MBD5: variants seen among roughly 807,000 people sequenced by gnomAD.
MBD5 encodes the protein methyl-CpG binding domain protein 5, also known as methyl-CpG-binding domain protein 5.
A neutral mutation model predicts 117.3 loss-of-function variants in MBD5; 13 were observed. That is an observed-to-expected ratio of 0.11 (90% CI 0.07 to 0.18). The LOEUF (loss-of-function observed/expected upper bound fraction) is 0.18. Among genes scored for constraint, MBD5 ranks in the 10% least tolerant of loss-of-function variants. The pLI is 1.00. For missense variants in MBD5, 1,879 were observed against 2,093.8 expected, an observed-to-expected ratio of 0.90 and a Z score of 2.00; for synonymous variants, 727 against 766.4, an observed-to-expected ratio of 0.95 and a Z score of 0.85.
At chr2:148,308,998 G>A (rs538229898) in intron 3 of MBD5, among the ~76,000 whole-genome samples, 55 of 152,178 alleles carry the variant, frequency 3.6e-4, no homozygotes, top group Non-Finnish European at 6.0e-4. Flanking sequence ...CCTCTGTTCC[G>A]TTTCATTGGT....
At position 148,513,516 on chromosome 2, in the gene MBD5, A is replaced by G. The variant is rs1574510121; in HGVS notation, c.*575A>G. 2 of 157,740 alleles carry G rather than the reference A, an allele frequency of 1.3e-5. No homozygotes were observed. The highest frequency in any genetic ancestry group is 4.8e-5 in the African/African-American group (2 of 41,474). 9.8% of individuals were successfully genotyped at this position (157,740 alleles called of 1,614,324 possible). A position where few individuals can be genotyped will look rare whatever the true frequency, so the allele number is the denominator to read the frequency against. The stretch of plus-strand genomic sequence containing the variant: ...TATTTAACAGCAGAGAAAAGGCATG[A>G]TGATGTAATATCTGAATTATGACAT... On this transcript the variant is annotated 3_prime_UTR_variant, in exon 14 of 14. Transcript: ENST00000642680.
intron 1 of MBD5, among the ~76,000 whole-genome samples, chr2:148,050,931 C>G (rs1327088618): frequency 6.6e-6 from 1 of 152,066 alleles, no homozygotes; most frequent in Non-Finnish European, 1.5e-5. Flanking sequence ...ATTTTAAAAT[C>G]AGCTTGTCCC....
chr2:148,203,907 T>A (rs1699208741), intron 2 of MBD5, among the ~76,000 whole-genome samples: 1 of 152,204 alleles, frequency 6.6e-6, no homozygotes, highest in African/African-American at 2.4e-5. Flanking sequence ...ATGGATAAAT[T>A]TCTCCAAGAC....
In MBD5 at chr2:148,446,602, C is replaced by G. The variant is rs540504270; in HGVS notation, c.-556-11601C>G. Among the ~76,000 whole-genome samples, 1,185 of 148,892 alleles carry G rather than the reference C, an allele frequency of 8.0e-3. 6 individuals carry two copies. Among genetic ancestry groups the G allele is most frequent in the Non-Finnish European group, 0.014 (911 of 67,342 alleles). ...TTAATTTACATACCAGATTATTTAT[C>G]TGTGTGTGTGTGTGTGTGTGTGTGT... On this transcript the variant is annotated intron_variant, in intron 4 of 13. Transcript: ENST00000642680.
rs372520820 is a variant in MBD5 at position 148,111,369 on chromosome 2, T to C, written c.-924-67331T>C. ...GGGAATTTACCAGACACATTCAAAC[T>C]GAGGAACAGTCTGCAAAACTACTGA... On this transcript the variant is annotated intron_variant, in intron 1 of 13. Transcript: ENST00000642680. 7.2e-5 allele frequency among the ~76,000 whole-genome samples: 11 copies of C among 152,194 alleles called. No individual in the cohort carries two copies. The East Asian group carries it at 1.4e-3, about 19-fold the overall frequency.
chr2:148,298,923 G>A (rs528930824), intron 3 of MBD5, among the ~76,000 whole-genome samples: 2 of 152,222 alleles, frequency 1.3e-5, no homozygotes, highest in South Asian at 4.2e-4. Context: ...CTGGGTTACA[G>A]CCAATCTCAG....
intron 3 of MBD5, among the ~76,000 whole-genome samples, chr2:148,257,108 C>G (rs1700609782): frequency 6.6e-6 from 1 of 152,194 alleles, no homozygotes; most frequent in Non-Finnish European, 1.5e-5. Context: ...ACTCAGCTCC[C>G]TTCCATAGTT....
chr2:148,232,307 T>C (rs1700007295), intron 2 of MBD5, among the ~76,000 whole-genome samples: 1 of 152,214 alleles, frequency 6.6e-6, no homozygotes, highest in African/African-American at 2.4e-5. Flanking sequence ...TAAATTCAGT[T>C]TTCTTTTTAA....
Position 148,240,256 on chromosome 2 carries a change from G to A in MBD5, c.-680+6861G>A, listed in dbSNP as rs946425465. On this transcript the variant is annotated intron_variant, in intron 3 of 13. Coordinates refer to ENST00000642680, the MANE Select transcript of MBD5 (RefSeq NM_001378120.1). The stretch of plus-strand genomic sequence containing the variant: ...CACAGGGTGGGGAACACCACACACT[G>A]GGGCCTGTCGTGAGGCAGGGGGAGG... Among the ~76,000 whole-genome samples, 10 of 152,094 alleles carry A rather than the reference G, an allele frequency of 6.6e-5. 1 individual carries two copies. Among genetic ancestry groups the A allele is most frequent in the Non-Finnish European group, 1.5e-5 (1 of 68,010 alleles).
intron 3 of MBD5, among the ~76,000 whole-genome samples, chr2:148,336,712 A>G (rs1419400186): frequency 6.6e-6 from 1 of 152,056 alleles, no homozygotes; most frequent in Admixed American, 6.6e-5. Flanking sequence ...CTCTTCCTCA[A>G]GTTCCTGAGG....
chr2:148,239,421 A>AAAT (rs1264321415), intron 3 of MBD5, among the ~76,000 whole-genome samples: 2 of 152,194 alleles, frequency 1.3e-5, no homozygotes, highest in African/African-American at 2.4e-5. Flanking sequence ...TCAACAAATG[A>AAAT]AATGCCCTAC....
At chr2:148,438,404 C>T (rs563029021) in intron 4 of MBD5, among the ~76,000 whole-genome samples, 1 of 152,296 alleles carries the variant, frequency 6.6e-6, no homozygotes, top group African/African-American at 2.4e-5. Flanking sequence ...CTTTCACACA[C>T]CAATAATAAT....
chr2:148,113,077 C>T (rs370777262), intron 1 of MBD5, among the ~76,000 whole-genome samples: 130 of 152,286 alleles, frequency 8.5e-4, no homozygotes, highest in African/African-American at 3.0e-3. Context: ...TCTACTTTAG[C>T]GTACAGTGAG....
intron 1 of MBD5, among the ~76,000 whole-genome samples, chr2:148,143,320 C>T (rs1158091523): frequency 6.6e-6 from 1 of 152,004 alleles, no homozygotes; most frequent in African/African-American, 2.4e-5. Flanking sequence ...AGGCTAGTCC[C>T]AGAGAAAAAA....
At chr2:148,179,417 G>T (rs926625101) in intron 2 of MBD5, among the ~76,000 whole-genome samples, 1 of 150,514 alleles carries the variant, frequency 6.6e-6, no homozygotes, top group South Asian at 2.1e-4. Flanking sequence ...AATTTAATTT[G>T]AAAAAATAAT....
chr2:148,425,879 A>G (rs1295861940), intron 4 of MBD5, among the ~76,000 whole-genome samples: 2 of 152,230 alleles, frequency 1.3e-5, no homozygotes, highest in Non-Finnish European at 2.9e-5. Flanking sequence ...TATTGATGGA[A>G]TGTATTTCAA....
At position 148,499,846 on chromosome 2, in the gene MBD5, T is replaced by C. The variant is rs186114610; in HGVS notation, c.4963-2590T>C. 3.5e-4 allele frequency among the ~76,000 whole-genome samples: 54 copies of C among 152,310 alleles called. No individual in the cohort carries two copies. In the Middle Eastern group the frequency reaches 0.01, roughly 29 times the overall value. ...TAAAGTTTCTTGAATATTTTTCAAA[T>C]GTATGAATATTTCCCCAGAAAAAAC... On this transcript the variant is annotated intron_variant, in intron 11 of 13. Coordinates refer to ENST00000642680, the MANE Select transcript of MBD5 (RefSeq NM_001378120.1).
At chr2:148,124,298 A>C (rs886798468) in intron 1 of MBD5, among the ~76,000 whole-genome samples, 6 of 150,920 alleles carry the variant, frequency 4.0e-5, no homozygotes, top group African/African-American at 1.2e-4. Context: ...CAACCAAACA[A>C]ACACACACAC....
chr2:148,163,045 C>A (rs970528455), intron 1 of MBD5, among the ~76,000 whole-genome samples: 3 of 152,216 alleles, frequency 2.0e-5, no homozygotes, highest in African/African-American at 7.2e-5. Flanking sequence ...TCTTATCTGT[C>A]TCAGCCTGCT....
Sources: allele counts gnomAD v4.1 joint callset (sites outside exome capture counted in the v4.1 genomes callset), GRCh38; gene constraint gnomAD v4.1.1; transcripts MANE v1.5; gene names NCBI Gene and HGNC (gene_info 2026-07-23, HGNC 2026-07-21).